SMIM41: variants seen among roughly 807,000 people sequenced by gnomAD.
SMIM41 encodes the protein small integral membrane protein 41.
At chr12:52,094,905 G>A (rs1229296252) in intron 2 of SMIM41, 2 of 151,900 alleles carry the variant, frequency 1.3e-5, no homozygotes, top group Admixed American at 6.6e-5. Context: ...CAGATTCAAG[G>A]AGAGGGAACA....
At chr12:52,101,379 T>C (rs1273780554) in intron 2 of SMIM41, among the ~76,000 whole-genome samples, 1 of 152,134 alleles carries the variant, frequency 6.6e-6, no homozygotes, top group Admixed American at 6.5e-5. Flanking sequence ...GAGCCCGGAT[T>C]GTGCCTGTAT....
At position 52,079,828 on chromosome 12, in the gene SMIM41, T is replaced by A. The variant is rs1939791111; in HGVS notation, c.49T>A (p.Ser17Thr). 2.5e-6 allele frequency: 1 copy of A among 393,826 alleles called. No homozygotes were observed. Among genetic ancestry groups the A allele is most frequent in the African/African-American group, 2.1e-5 (1 of 48,374 alleles). The allele number at this position is 393,826 out of a possible 1,614,324, so 24.4% of individuals were successfully genotyped here. Reference sequence around the variant, plus strand: ...CGCGGCTCAGGCCGCCTGGCTGAGCTCCTGCTGTAACCAGTCGGCGTCGCC... The same window carrying A: ...CGCGGCTCAGGCCGCCTGGCTGAGCACCTGCTGTAACCAGTCGGCGTCGCC... ...GAAAQAAWLS[S>T]CCNQSASPPE... Residue 17 changes from serine to threonine, a missense_variant, in exon 1 of 3, where the codon TCC becomes ACC. Coordinates refer to ENST00000546390, the MANE Select transcript of SMIM41 (RefSeq NM_001369216.1).
intron 2 of SMIM41, among the ~76,000 whole-genome samples, chr12:52,085,743 G>A (rs1009497013): frequency 6.6e-6 from 1 of 152,190 alleles, no homozygotes; most frequent in African/African-American, 2.4e-5. Context: ...CTTGGGTTGG[G>A]GTAGAGGTGG....
At chr12:52,091,365 G>C (rs1940000932) in intron 2 of SMIM41, among the ~76,000 whole-genome samples, 1 of 152,148 alleles carries the variant, frequency 6.6e-6, no homozygotes, top group African/African-American at 2.4e-5. Context: ...CTCTCTTCTT[G>C]AGCAACCTAA....
Position 52,080,144 on chromosome 12 carries a change from G to C in SMIM41, c.*83G>C. 2.9e-6 allele frequency: 1 copy of C among 342,326 alleles called. No homozygotes were observed. The allele number at this position is 342,326 out of a possible 1,614,324, so 21.2% of individuals were successfully genotyped here. A position where few individuals can be genotyped will look rare whatever the true frequency, so the allele number is the denominator to read the frequency against. ...CGGAGCATGCCCGACGGCTGCTGCG[G>C]TCCCGACCCCTTACCCGAAGCGGCG... On this transcript the variant is annotated 3_prime_UTR_variant, in exon 1 of 3. Transcript: ENST00000546390.
chr12:52,083,434 A>C (rs1939846606), intron 1 of SMIM41, among the ~76,000 whole-genome samples: 1 of 152,130 alleles, frequency 6.6e-6, no homozygotes, highest in Non-Finnish European at 1.5e-5. Flanking sequence ...ACTCCCCTCC[A>C]GTTTTACCTA....
chr12:52,102,181 C>G (rs547104015), intron 2 of SMIM41, among the ~76,000 whole-genome samples: 16 of 152,260 alleles, frequency 1.1e-4, no homozygotes, highest in African/African-American at 3.4e-4. Context: ...TCTCCACATG[C>G]AGAAGAATGA....
intron 2 of SMIM41, among the ~76,000 whole-genome samples, chr12:52,098,442 G>A (rs1940142513): frequency 1.3e-5 from 2 of 151,894 alleles, no homozygotes; most frequent in South Asian, 4.2e-4. Flanking sequence ...CACAGGGGGT[G>A]TGAACAACCC....
chr12:52,080,700 T>C (rs1187802635), intron 1 of SMIM41, among the ~76,000 whole-genome samples: 3 of 152,178 alleles, frequency 2.0e-5, no homozygotes, highest in Non-Finnish European at 4.4e-5. Context: ...TGGCCTCAGC[T>C]TCCTGAAGGC....
chr12:52,096,299 C>A (rs568189418), intron 2 of SMIM41, among the ~76,000 whole-genome samples: 14 of 152,180 alleles, frequency 9.2e-5, no homozygotes, highest in African/African-American at 3.1e-4. Context: ...TGGATGTACA[C>A]CCACTGCTAT....
chr12:52,095,482 G>C (rs969797118), intron 2 of SMIM41, among the ~76,000 whole-genome samples: 1 of 152,134 alleles, frequency 6.6e-6, no homozygotes, highest in Non-Finnish European at 1.5e-5. Flanking sequence ...ATCCTCTGCA[G>C]TATTTGCAGT....
chr12:52,101,220 C>T lies in SMIM41; in HGVS notation c.*196-6159C>T, dbSNP rs190064949. ...CACGGATCACTTGAGGCCAGGAGTT[C>T]GAGACCCTCCTGGCCAACATAGTGA... On this transcript the variant is annotated intron_variant, in intron 2 of 2. Coordinates refer to ENST00000546390, the MANE Select transcript of SMIM41 (RefSeq NM_001369216.1). Among the ~76,000 whole-genome samples the T allele has an allele frequency of 2.9e-3, 440 of 152,216 alleles. 4 individuals are homozygous for T. Among genetic ancestry groups the T allele is most frequent in the African/African-American group, 0.01 (420 of 41,528 alleles).
chr12:52,094,570 G>C, intron 2 of SMIM41: 1 of 152,266 alleles, frequency 6.6e-6, no homozygotes, highest in Non-Finnish European at 1.5e-5. Context: ...TGCACATCCA[G>C]GTAACCTGCG....
At chr12:52,096,540 A>G (rs1014873456) in intron 2 of SMIM41, among the ~76,000 whole-genome samples, 1 of 151,862 alleles carries the variant, frequency 6.6e-6, no homozygotes, top group Non-Finnish European at 1.5e-5. Context: ...TATTAATATT[A>G]AGAAATAATT....
At chr12:52,093,925 T>A (rs1458230011) in intron 2 of SMIM41, among the ~76,000 whole-genome samples, 1 of 151,922 alleles carries the variant, frequency 6.6e-6, no homozygotes, top group African/African-American at 2.4e-5. Flanking sequence ...GAGGTCAGAA[T>A]TTTGAGAACA....
At chr12:52,101,690 C>T (rs12313017) in intron 2 of SMIM41, among the ~76,000 whole-genome samples, 3,430 of 152,088 alleles carry the variant, frequency 0.023, 138 homozygotes, top group African/African-American at 0.078. Context: ...TCTCTTTCTG[C>T]TCTTGAAATC....
chr12:52,097,442 C>T (rs899287224), intron 2 of SMIM41, among the ~76,000 whole-genome samples: 9 of 151,868 alleles, frequency 5.9e-5, no homozygotes, highest in Admixed American at 1.3e-4. Context: ...ATGGATAGCA[C>T]GAGCCACATC....
chr12:52,105,782 A>C (rs766095785), intron 2 of SMIM41, among the ~76,000 whole-genome samples: 3 of 151,844 alleles, frequency 2.0e-5, no homozygotes, highest in African/African-American at 7.3e-5. Flanking sequence ...ACAAAAAAAA[A>C]CTCCCACAAC....
At chr12:52,089,156 C>A (rs905946707) in intron 2 of SMIM41, among the ~76,000 whole-genome samples, 1 of 152,050 alleles carries the variant, frequency 6.6e-6, no homozygotes, top group Non-Finnish European at 1.5e-5. Context: ...AAAAATAGAG[C>A]CTGTCAGATG....
Sources: allele counts gnomAD v4.1 joint callset (sites outside exome capture counted in the v4.1 genomes callset), GRCh38; gene constraint gnomAD v4.1.1; transcripts MANE v1.5; gene names NCBI Gene and HGNC (gene_info 2026-07-23, HGNC 2026-07-21).